The following DDHD1 variants were observed in gnomAD, a reference collection of about 807,000 sequenced individuals.
The protein encoded by DDHD1 is DDHD domain containing 1.
A neutral mutation model predicts 96.4 loss-of-function variants in DDHD1; 49 were observed. That is an observed-to-expected ratio of 0.51 (90% CI 0.40 to 0.64). DDHD1 has a LOEUF of 0.64. Ranked by LOEUF, DDHD1 falls within the 30% of genes least tolerant of loss-of-function variation. The pLI is 0.00. For missense variants in DDHD1, 1,106 were observed against 1,161.2 expected (o/e 0.95, Z 0.69); for synonymous variants, 442 against 446.5 (o/e 0.99, Z 0.13).
At position 53,039,873 on chromosome 14, in the gene DDHD1, T is replaced by A. The variant is rs1467525620; in HGVS notation, c.*6895A>T. 1 of 152,368 alleles carries A rather than the reference T, an allele frequency of 6.6e-6. No individual in the cohort carries two copies. The highest frequency in any genetic ancestry group is 2.4e-5 in the African/African-American group (1 of 41,442). The allele number at this position is 152,368 out of a possible 1,614,324, so 9.4% of individuals were successfully genotyped here. On this transcript the variant is annotated 3_prime_UTR_variant, in exon 13 of 13. Coordinates refer to ENST00000673822, the MANE Select transcript of DDHD1 (RefSeq NM_001160148.2). ...AAATGTCTAAGCTGTCAGACTGTCA[T>A]GACCATGCACCAATCTCTTTCCTTT...
chr14:53,121,370 T>C (rs961362650), intron 1 of DDHD1, among the ~76,000 whole-genome samples: 1 of 152,226 alleles, frequency 6.6e-6, no homozygotes, highest in Non-Finnish European at 1.5e-5. Context: ...GAAGACGGTG[T>C]GGCAATTCCT....
chr14:53,113,954 A>G (rs1178032913), intron 1 of DDHD1, among the ~76,000 whole-genome samples: 2 of 152,198 alleles, frequency 1.3e-5, no homozygotes, highest in Non-Finnish European at 2.9e-5. Context: ...GGAGCCCAGC[A>G]AGCTAAGAAC....
chr14:53,139,843 C>CA (rs56999105), intron 1 of DDHD1, among the ~76,000 whole-genome samples: 4,178 of 131,168 alleles, frequency 0.032, 208 homozygotes, highest in African/African-American at 0.11. Context: ...CAAGAGACCA[C>CA]AAAAAAAAAA....
chr14:53,130,587 T>A (rs1000565145), intron 1 of DDHD1, among the ~76,000 whole-genome samples: 1 of 152,042 alleles, frequency 6.6e-6, no homozygotes, highest in Non-Finnish European at 1.5e-5. Context: ...CCCAGCCACA[T>A]CTCCAGCACA....
Position 53,128,642 on chromosome 14 carries a change from G to A in DDHD1, c.838+23619C>T, listed in dbSNP as rs1227251495. ...GCATAAGAAATTAAGTGCAACAGCT[G>A]GTTCAGTTAGGCCATATGTATTATG... On this transcript the variant is annotated intron_variant, in intron 1 of 12. Coordinates refer to ENST00000673822, the MANE Select transcript of DDHD1 (RefSeq NM_001160148.2). Among the ~76,000 whole-genome samples, 6 of 152,284 alleles carry A rather than the reference G, an allele frequency of 3.9e-5. No individual in the cohort carries two copies. In the East Asian group the frequency reaches 7.7e-4, roughly 20 times the overall value.
intron 1 of DDHD1, among the ~76,000 whole-genome samples, chr14:53,117,903 T>A (rs372807778): frequency 1.3e-5 from 2 of 152,150 alleles, no homozygotes; most frequent in Non-Finnish European, 2.9e-5. Flanking sequence ...CCTCCCAGTA[T>A]TGGCCGACAG....
chr14:53,121,653 T>C (rs993428472), intron 1 of DDHD1, among the ~76,000 whole-genome samples: 4 of 152,278 alleles, frequency 2.6e-5, no homozygotes, highest in South Asian at 4.1e-4. Flanking sequence ...GAAGCCATCA[T>C]TCTCAGCAAA....
chr14:53,122,440 C>G (rs1350528036), intron 1 of DDHD1, among the ~76,000 whole-genome samples: 5 of 152,194 alleles, frequency 3.3e-5, no homozygotes, highest in Non-Finnish European at 7.4e-5. Flanking sequence ...GCAACTAGGT[C>G]TGAATCTCAA....
In DDHD1 at chr14:53,093,401, G is replaced by C. The variant is rs145960430; in HGVS notation, c.1056C>G (p.His352Gln). The change falls in exon 3 of 13, where the codon CAC becomes CAG. Residue 352 changes from histidine (H) to glutamine (Q), a missense_variant. Physicochemically the swap from His to Gln is conservative, Grantham distance 24. Coordinates refer to ENST00000673822, the MANE Select transcript of DDHD1 (RefSeq NM_001160148.2). ...FKLSRNHVDW[H>Q]SVDEVYLYSD... ...TATAAAGATATACTTCATCCACACT[G>C]TGCCAGTCCACATGGTTTCGACTCA... The C allele has an allele frequency of 3.1e-6, 5 of 1,612,540 alleles. No homozygotes were observed. In the African/African-American group the frequency reaches 5.3e-5, roughly 17 times the overall value.
chr14:53,113,592 G>A (rs1376907297), intron 1 of DDHD1, among the ~76,000 whole-genome samples: 1 of 151,584 alleles, frequency 6.6e-6, no homozygotes, highest in African/African-American at 2.4e-5. Flanking sequence ...AGAGTGAGCA[G>A]AAGCATGGTG....
intron 6 of DDHD1, among the ~76,000 whole-genome samples, chr14:53,068,328 C>T (rs1006069305): frequency 1.4e-5 from 2 of 146,440 alleles, no homozygotes; most frequent in South Asian, 2.2e-4. Context: ...ACTGCAGCCT[C>T]GACCTCCCAG....
At position 53,072,718 on chromosome 14, in the gene DDHD1, A is replaced by C; in HGVS notation, c.1397-15T>G. The C allele has an allele frequency of 1.3e-6, 2 of 1,559,836 alleles. No homozygotes were observed. The highest frequency in any genetic ancestry group is 2.3e-5 in the South Asian group (2 of 86,762). On this transcript the variant is annotated splice_polypyrimidine_tract_variant and intron_variant, in intron 5 of 12. Coordinates refer to ENST00000673822, the MANE Select transcript of DDHD1 (RefSeq NM_001160148.2). Reference sequence around the variant, plus strand: ...ATCAACAGTGTCTACAAAAACAAACAAAAAAAGCAAGTTAACTTATAGAAA... The same window carrying C: ...ATCAACAGTGTCTACAAAAACAAACCAAAAAAGCAAGTTAACTTATAGAAA...
At chr14:53,070,929 C>T (rs1884456453) in intron 6 of DDHD1, among the ~76,000 whole-genome samples, 1 of 152,062 alleles carries the variant, frequency 6.6e-6, no homozygotes, top group Non-Finnish European at 1.5e-5. Flanking sequence ...AACATCGAAC[C>T]CTTCTTTCTC....
chr14:53,152,114 C>CGAAG, intron 1 of DDHD1, 147 bp downstream of exon 1: 1 of 787,152 alleles, frequency 1.3e-6, no homozygotes, highest in Non-Finnish European at 1.9e-6. Flanking sequence ...GCTGCCGACG[C>CGAAG]TCCCTGCTCA....
At chr14:53,082,779 A>T in intron 4 of DDHD1, among the ~76,000 whole-genome samples, 1 of 151,048 alleles carries the variant, frequency 6.6e-6, no homozygotes, top group East Asian at 1.9e-4. Context: ...AAAAAAAGAC[A>T]TGGGGTCTTG....
intron 1 of DDHD1, among the ~76,000 whole-genome samples, chr14:53,104,667 C>T (rs1887554583): frequency 6.6e-6 from 1 of 152,010 alleles, no homozygotes. Context: ...TTTGATGAAA[C>T]ACTATTCCTA....
intron 1 of DDHD1, among the ~76,000 whole-genome samples, chr14:53,107,974 G>A (rs1168667861): frequency 1.3e-5 from 2 of 152,192 alleles, no homozygotes; most frequent in African/African-American, 4.8e-5. Flanking sequence ...ACAATGATCA[G>A]GATATAAACT....
intron 11 of DDHD1, chr14:53,053,540 G>C (rs550697216): frequency 2.2e-4 from 34 of 152,186 alleles, no homozygotes; most frequent in Non-Finnish European, 4.0e-4. Flanking sequence ...AACTTTCTAA[G>C]GATGGATGGC....
In DDHD1 at chr14:53,153,162, C is replaced by A. The variant is rs1221208918; in HGVS notation, c.-64G>T. The A allele has an allele frequency of 8.0e-7, 1 of 1,254,142 alleles. No individual in the cohort carries two copies. Among genetic ancestry groups the A allele is most frequent in the Non-Finnish European group, 1.0e-6 (1 of 970,982 alleles). 77.7% of individuals were successfully genotyped at this position (1,254,142 alleles called of 1,614,324 possible). On this transcript the variant is annotated 5_prime_UTR_variant, in exon 1 of 13. Transcript: ENST00000673822. ...GCCGTGACCCCCAGCGCTTCCGCCA[C>A]ACATTCAACGCCGCCGCCCTCTCCA...
Sources: allele counts gnomAD v4.1 joint callset (sites outside exome capture counted in the v4.1 genomes callset), GRCh38; gene constraint gnomAD v4.1.1; transcripts MANE v1.5; gene names NCBI Gene and HGNC (gene_info 2026-07-23, HGNC 2026-07-21).